The following IL2RA variants were observed in gnomAD, a reference collection of about 807,000 sequenced individuals.
IL2RA encodes interleukin-2 receptor subunit alpha.
IL2RA carries 24 observed loss-of-function variants against 37.8 expected under a neutral mutation model. The ratio of observed to expected loss-of-function variants is 0.63; its 90% CI spans 0.46 to 0.89. The LOEUF (loss-of-function observed/expected upper bound fraction) is 0.89. Ranked by LOEUF, IL2RA falls within the 40% of genes least tolerant of loss-of-function variation. The pLI, the probability that IL2RA is intolerant of heterozygous loss-of-function variation, is 0.00. For synonymous variants in IL2RA, 125 were observed against 114.6 expected (o/e 1.09, Z -0.58); for missense variants, 319 against 348.6 (o/e 0.92, Z 0.68).
At position 6,028,619 on chromosome 10, in the gene IL2RA, C is replaced by G. The variant is rs911274849; in HGVS notation, c.65-2594G>C. 6.6e-6 allele frequency among the ~76,000 whole-genome samples: 1 copy of G among 152,078 alleles called. No homozygotes were observed. Among genetic ancestry groups the G allele is most frequent in the Non-Finnish European group, 1.5e-5 (1 of 68,014 alleles). On this transcript the variant is annotated intron_variant, in intron 1 of 7. Coordinates refer to ENST00000379959, the MANE Select transcript of IL2RA (RefSeq NM_000417.3). This position sits in a 1 kb window ranked among gnomAD's most constrained non-coding sequence, Gnocchi z 4.1. The stretch of plus-strand genomic sequence containing the variant: ...CTTTATAATGTATAGCTCATAATAT[C>G]CAGCAAATTAAAAGAAAATCTAGAC...
intron 3 of IL2RA, among the ~76,000 whole-genome samples, chr10:6,023,881 G>T (rs757433298): frequency 6.6e-6 from 1 of 152,254 alleles, no homozygotes; most frequent in African/African-American, 2.4e-5. Flanking sequence ...GCGTTTCCTT[G>T]AGGGCAGGGA....
intron 1 of IL2RA, among the ~76,000 whole-genome samples, chr10:6,037,808 G>A (rs373979412): frequency 2.6e-5 from 4 of 152,098 alleles, no homozygotes; most frequent in Admixed American, 6.5e-5. Context: ...CCTTAAGCTC[G>A]TTGACTCCCA....
intron 1 of IL2RA, among the ~76,000 whole-genome samples, chr10:6,032,553 T>C (rs894891594): frequency 3.8e-4 from 58 of 151,406 alleles, no homozygotes; most frequent in African/African-American, 1.3e-3. Flanking sequence ...ATTAGCCGGG[T>C]GTGGTGGTGT....
At chr10:6,051,845 A>ATAT (rs1224861012) in intron 1 of IL2RA, among the ~76,000 whole-genome samples, 29 of 111,812 alleles carry the variant, frequency 2.6e-4, no homozygotes, top group Non-Finnish European at 3.5e-4. Flanking sequence ...ATATATATAG[A>ATAT]ATTTTTTAAG....
At chr10:6,013,413 C>G in intron 7 of IL2RA, among the ~76,000 whole-genome samples, 1 of 152,142 alleles carries the variant, frequency 6.6e-6, no homozygotes, top group African/African-American at 2.4e-5. Context: ...TGGCTAGTGG[C>G]TACTGTATTG....
rs1839378427 is a variant in IL2RA, at chr10:6,021,095, G to A, written c.583+383C>T. Among the ~76,000 whole-genome samples the A allele has an allele frequency of 6.6e-6, 1 of 152,160 alleles. No homozygotes were observed. The highest frequency in any genetic ancestry group is 2.4e-5 in the African/African-American group (1 of 41,434). On this transcript the variant is annotated intron_variant, in intron 4 of 7. Coordinates refer to ENST00000379959, the MANE Select transcript of IL2RA (RefSeq NM_000417.3). The surrounding 1 kb of genome is among the most constrained non-coding windows in gnomAD (Gnocchi z 4.9). ...CATGCATTTACACGATCACCAGTAAGAGGAAAAATGTGTGAGTGGGAAACT... is the reference window on the plus strand; with the variant it reads ...CATGCATTTACACGATCACCAGTAAAAGGAAAAATGTGTGAGTGGGAAACT...
At position 6,018,563 on chromosome 10, in the gene IL2RA, G is replaced by C. The variant is rs1839318542; in HGVS notation, c.728-444C>G. Among the ~76,000 whole-genome samples the C allele has an allele frequency of 6.6e-6, 1 of 152,162 alleles. No homozygotes were observed. The highest frequency in any genetic ancestry group is 2.4e-5 in the African/African-American group (1 of 41,430). ...CTAGGCAGATGCAGACTCAGAGTCTGTTTTTCCCTCCTACCAGGAAACAAT... is the reference window on the plus strand; with the variant it reads ...CTAGGCAGATGCAGACTCAGAGTCTCTTTTTCCCTCCTACCAGGAAACAAT... On this transcript the variant is annotated intron_variant, in intron 6 of 7. Coordinates refer to ENST00000379959, the MANE Select transcript of IL2RA (RefSeq NM_000417.3). The surrounding 1 kb of genome is among the most constrained non-coding windows in gnomAD (Gnocchi z 5.1).
At position 6,035,391 on chromosome 10, in the gene IL2RA, C is replaced by G. The variant is rs561764790; in HGVS notation, c.65-9366G>C. ...CAAGTTCTAGGTGGGCTTCCCAAAG[C>G]CACATTCAGGCAGGACGGAGCTGCT... On this transcript the variant is annotated intron_variant, in intron 1 of 7. Coordinates refer to ENST00000379959, the MANE Select transcript of IL2RA (RefSeq NM_000417.3). This position sits in a 1 kb window ranked among gnomAD's most constrained non-coding sequence, Gnocchi z 5.4. Among the ~76,000 whole-genome samples, 1 of 152,316 alleles carries G rather than the reference C, an allele frequency of 6.6e-6. No individual in the cohort carries two copies. The highest frequency in any genetic ancestry group is 2.4e-5 in the African/African-American group (1 of 41,568).
chr10:6,038,084 CCT>C (rs1839718996), intron 1 of IL2RA, among the ~76,000 whole-genome samples: 3 of 152,184 alleles, frequency 2.0e-5, no homozygotes, highest in Non-Finnish European at 4.4e-5. Flanking sequence ...TTTAGGCCAA[CCT>C]CTACATTTTA....
At chr10:6,037,712 C>A (rs542267578) in intron 1 of IL2RA, among the ~76,000 whole-genome samples, 1 of 152,056 alleles carries the variant, frequency 6.6e-6, no homozygotes, top group Non-Finnish European at 1.5e-5. Context: ...CCGCTCACTG[C>A]CCCCCTGTGG....
rs1839815424 is a variant in IL2RA, at chr10:6,044,221, GT to G, written c.64+17866del. ...CCGAGGTGGGGCTTAGCCCGCAAGG[GT>G]TCTTGGCTTTGCCCAGGAAGGAATT... is the stretch of plus-strand genomic sequence containing the variant. On this transcript the variant is annotated intron_variant, in intron 1 of 7. Coordinates refer to ENST00000379959, the MANE Select transcript of IL2RA (RefSeq NM_000417.3). This position sits in a 1 kb window ranked among gnomAD's most constrained non-coding sequence, Gnocchi z 4.5. 1.3e-5 allele frequency among the ~76,000 whole-genome samples: 2 copies of G among 152,248 alleles called. No individual in the cohort carries two copies. Among genetic ancestry groups the G allele is most frequent in the South Asian group, 4.1e-4 (2 of 4,832 alleles).
chr10:6,018,519 G>C lies in IL2RA; in HGVS notation c.728-400C>G, dbSNP rs893959704. On this transcript the variant is annotated intron_variant, in intron 6 of 7. Coordinates refer to ENST00000379959, the MANE Select transcript of IL2RA (RefSeq NM_000417.3). This position sits in a 1 kb window ranked among gnomAD's most constrained non-coding sequence, Gnocchi z 5.1. Reference sequence around the variant, plus strand: ...ATGCTGCTCTGCTGAGGTTTTGGAGGCTGACATTTGTTTACTTTCTAGGCA... The same window carrying C: ...ATGCTGCTCTGCTGAGGTTTTGGAGCCTGACATTTGTTTACTTTCTAGGCA... Among the ~76,000 whole-genome samples, 3 of 152,158 alleles carry C rather than the reference G, an allele frequency of 2.0e-5. No homozygotes were observed. The highest frequency in any genetic ancestry group is 7.2e-5 in the African/African-American group (3 of 41,430).
At chr10:6,013,667 C>A (rs1316083184) in intron 7 of IL2RA, among the ~76,000 whole-genome samples, 2 of 152,152 alleles carry the variant, frequency 1.3e-5, no homozygotes, top group Non-Finnish European at 2.9e-5. Context: ...TGCGCGGTAG[C>A]CACCGTCAAA....
In IL2RA at chr10:6,028,990, CAAA is replaced by C. The variant is rs34303304; in HGVS notation, c.65-2968_65-2966del. On this transcript the variant is annotated intron_variant, in intron 1 of 7. Transcript: ENST00000379959. This position sits in a 1 kb window ranked among gnomAD's most constrained non-coding sequence, Gnocchi z 4.1. Reference sequence around the variant, plus strand: ...TTACAGAGTGAGTGAGAGTCTGTCTCAAAAAAAAAAAAAAAAGACCCCTAAAAT... The same window carrying C: ...TTACAGAGTGAGTGAGAGTCTGTCTCAAAAAAAAAAAAAGACCCCTAAAAT... 0.011 allele frequency among the ~76,000 whole-genome samples: 1,229 copies of C among 110,034 alleles called. 33 individuals carry two copies. Among genetic ancestry groups the C allele is most frequent in the African/African-American group, 0.038 (1,151 of 30,030 alleles). The allele number at this position is 110,034 out of a possible 152,430, so 72.2% of individuals were successfully genotyped here. A position where few individuals can be genotyped will look rare whatever the true frequency, so the allele number is the denominator to read the frequency against.
rs946970727 is a variant in IL2RA at position 6,061,416 on chromosome 10, A to C, written c.64+672T>G. Among the ~76,000 whole-genome samples, 3 of 152,328 alleles carry C rather than the reference A, an allele frequency of 2.0e-5. No individual in the cohort carries two copies. The South Asian group carries it at 6.2e-4, about 32-fold the overall frequency. ...ATCTTCGAGAAAATCCATTTGAAACAAGGAATGAAATTTAAAATTTGCATA... is the reference window on the plus strand; with the variant it reads ...ATCTTCGAGAAAATCCATTTGAAACCAGGAATGAAATTTAAAATTTGCATA... On this transcript the variant is annotated intron_variant, in intron 1 of 7. Coordinates refer to ENST00000379959, the MANE Select transcript of IL2RA (RefSeq NM_000417.3).
At position 6,021,155 on chromosome 10, in the gene IL2RA, G is replaced by C. The variant is rs931396139; in HGVS notation, c.583+323C>G. On this transcript the variant is annotated intron_variant, in intron 4 of 7. Transcript: ENST00000379959. The surrounding 1 kb of genome is among the most constrained non-coding windows in gnomAD (Gnocchi z 4.9). ...CTTGGAGCCAGAGGAGGCCTTGGTG[G>C]CTTAGAGAAGTAGTGGACTTAGGAC... is the stretch of plus-strand genomic sequence containing the variant. Among the ~76,000 whole-genome samples, 2 of 152,074 alleles carry C rather than the reference G, an allele frequency of 1.3e-5. No individual in the cohort carries two copies. Among genetic ancestry groups the C allele is most frequent in the Non-Finnish European group, 2.9e-5 (2 of 68,022 alleles).
rs1013568399 is a variant in IL2RA at position 6,022,276 on chromosome 10, A to T, written c.368-583T>A. 1.3e-5 allele frequency among the ~76,000 whole-genome samples: 2 copies of T among 152,146 alleles called. No homozygotes were observed. Among genetic ancestry groups the T allele is most frequent in the African/African-American group, 4.8e-5 (2 of 41,422 alleles). The stretch of plus-strand genomic sequence containing the variant: ...GGCTGAGGGAACCTCAGAGAAATGG[A>T]GCACCATCTCTGATCAAGCCACACC... On this transcript the variant is annotated intron_variant, in intron 3 of 7. Transcript: ENST00000379959. The surrounding 1 kb of genome is among the most constrained non-coding windows in gnomAD (Gnocchi z 4.7).
At position 6,047,188 on chromosome 10, in the gene IL2RA, G is replaced by A. The variant is rs1012188186; in HGVS notation, c.64+14900C>T. ...TGAACCCTTGCTGATGTGCAGAAGG[G>A]GTTAATCAGACCATGTGGACACAGG... On this transcript the variant is annotated intron_variant, in intron 1 of 7. Transcript: ENST00000379959. The surrounding 1 kb of genome is among the most constrained non-coding windows in gnomAD (Gnocchi z 5.0). Among the ~76,000 whole-genome samples the A allele has an allele frequency of 6.6e-6, 1 of 152,148 alleles. No individual in the cohort carries two copies. The highest frequency in any genetic ancestry group is 1.5e-5 in the Non-Finnish European group (1 of 68,034).
intron 1 of IL2RA, among the ~76,000 whole-genome samples, chr10:6,051,817 C>CTATA (rs61008683): frequency 0.021 from 712 of 33,652 alleles, 111 homozygotes; most frequent in Middle Eastern, 0.045. Context: ...TCATGCCCAG[C>CTATA]TATATATATA....
Sources: gnomAD v4.1 joint callset for allele counts (sites outside exome capture counted in the v4.1 genomes callset) on GRCh38, gnomAD v4.1.1 for gene constraint, Gnocchi (gnomAD v3.1) non-coding constraint, MANE v1.5 for transcripts, NCBI Gene and HGNC (gene_info 2026-07-23, HGNC 2026-07-21) for gene names.